TAFA4: variants seen among roughly 807,000 people sequenced by gnomAD.
The protein encoded by TAFA4 is chemokine-like protein TAFA-4.
Under a neutral mutation model 21.1 loss-of-function variants are expected in TAFA4, and 20 were observed. The ratio of observed to expected loss-of-function variants is 0.95; its 90% CI spans 0.67 to 1.38. TAFA4 has a LOEUF of 1.38. TAFA4 is among the 40% of genes most tolerant of loss of function. The pLI is 0.00. For missense variants in TAFA4, 211 were observed against 180.9 expected (o/e 1.17, Z -0.95); for synonymous variants, 71 against 67.4 (o/e 1.05, Z -0.26).
At chr3:68,858,031 G>T (rs747582961) in intron 3 of TAFA4, among the ~76,000 whole-genome samples, 19 of 152,008 alleles carry the variant, frequency 1.2e-4, no homozygotes, top group Admixed American at 6.6e-4. Flanking sequence ...AGGGAGAGTG[G>T]CCCTGCTTTT....
intron 3 of TAFA4, among the ~76,000 whole-genome samples, chr3:68,831,843 T>C (rs906676800): frequency 6.6e-6 from 1 of 152,226 alleles, no homozygotes; most frequent in Non-Finnish European, 1.5e-5. Context: ...TTTGTTTTTC[T>C]CACATAGTCC....
intron 3 of TAFA4, among the ~76,000 whole-genome samples, chr3:68,860,254 C>G (rs985416690): frequency 3.3e-5 from 5 of 152,218 alleles, no homozygotes; most frequent in Admixed American, 6.5e-5. Context: ...CCACATGGCA[C>G]CTACCTAATG....
chr3:68,747,394 C>A (rs886842306), intron 4 of TAFA4, among the ~76,000 whole-genome samples: 1 of 151,370 alleles, frequency 6.6e-6, no homozygotes, highest in Non-Finnish European at 1.5e-5. Flanking sequence ...GTTTTTTTTT[C>A]CCATGCTGTT....
At chr3:68,770,636 C>A (rs1333355372) in intron 3 of TAFA4, among the ~76,000 whole-genome samples, 1 of 152,158 alleles carries the variant, frequency 6.6e-6, no homozygotes, top group Non-Finnish European at 1.5e-5. Flanking sequence ...TCCAGATTAT[C>A]CTTCATACAT....
chr3:68,808,183 C>T lies in TAFA4; in HGVS notation c.131-55165G>A, dbSNP rs1294499565. On this transcript the variant is annotated intron_variant, in intron 3 of 5. Coordinates refer to ENST00000295569, the MANE Select transcript of TAFA4 (RefSeq NM_182522.5). ...ACTAGTCAGAGTAGAGAGGAAGGAA[C>T]ACACAGGAAAGCAGAGTCTCACAAG... Among the ~76,000 whole-genome samples, 5 of 152,008 alleles carry T rather than the reference C, an allele frequency of 3.3e-5. No individual in the cohort carries two copies. The South Asian group carries it at 6.2e-4, about 19-fold the overall frequency.
Position 68,885,246 on chromosome 3 carries a change from AT to A in TAFA4, c.-59del. ...AGGATATATTTCAGAGTGACTCCAA[AT>A]TCCCATCTGTTGCTAGAACCAATCA... On this transcript the variant is annotated 5_prime_UTR_variant, in exon 2 of 6. The change creates a premature stop within an existing upstream ORF in the 5' untranslated region. Coordinates refer to ENST00000295569, the MANE Select transcript of TAFA4 (RefSeq NM_182522.5). The A allele has an allele frequency of 6.5e-7, 1 of 1,549,982 alleles. No individual in the cohort carries two copies. Among genetic ancestry groups the A allele is most frequent in the Non-Finnish European group, 8.9e-7 (1 of 1,128,902 alleles).
chr3:68,753,334 GTTTT>G (rs4065540), intron 3 of TAFA4, among the ~76,000 whole-genome samples: 7 of 114,480 alleles, frequency 6.1e-5, no homozygotes, highest in South Asian at 3.3e-4. Context: ...GATTGATAGA[GTTTT>G]TTTTTTTTTT....
At chr3:68,909,782 T>C (rs2089941443) in intron 1 of TAFA4, among the ~76,000 whole-genome samples, 1 of 152,220 alleles carries the variant, frequency 6.6e-6, no homozygotes, top group South Asian at 2.1e-4. Context: ...CTTAGTGACT[T>C]CAAGTAATAT....
intron 3 of TAFA4, among the ~76,000 whole-genome samples, chr3:68,809,801 T>C (rs1177536209): frequency 6.6e-6 from 1 of 152,188 alleles, no homozygotes; most frequent in Non-Finnish European, 1.5e-5. Context: ...GCACCATTTA[T>C]TGAGAGATTG....
intron 3 of TAFA4, among the ~76,000 whole-genome samples, chr3:68,832,969 G>C (rs986922083): frequency 6.6e-6 from 1 of 152,246 alleles, no homozygotes; most frequent in Admixed American, 6.5e-5. Context: ...AGACTGCTGT[G>C]CTACCAGCGA....
intron 3 of TAFA4, among the ~76,000 whole-genome samples, chr3:68,790,621 A>C (rs1190544216): frequency 6.6e-6 from 1 of 152,222 alleles, no homozygotes; most frequent in Non-Finnish European, 1.5e-5. Flanking sequence ...ATTCATATGG[A>C]TATGAGAATC....
rs1702167650 is a variant in TAFA4 at position 68,732,503 on chromosome 3, T to C, written c.*639A>G. The C allele has an allele frequency of 6.6e-6, 1 of 152,516 alleles. No individual in the cohort carries two copies. The highest frequency in any genetic ancestry group is 1.5e-5 in the Non-Finnish European group (1 of 68,002). The allele number at this position is 152,516 out of a possible 1,614,324, so 9.4% of individuals were successfully genotyped here. On this transcript the variant is annotated 3_prime_UTR_variant, in exon 6 of 6. Transcript: ENST00000295569. ...GTACATTGAAGTTAAAACGCTCTCA[T>C]TTTATCTCTGCTAACTGGAAAATGG... is the stretch of plus-strand genomic sequence containing the variant.
chr3:68,736,749 T>G (rs1045525660), intron 5 of TAFA4, among the ~76,000 whole-genome samples: 5 of 152,072 alleles, frequency 3.3e-5, no homozygotes, highest in African/African-American at 1.2e-4. Flanking sequence ...ACAAATGAAT[T>G]TACTCTATGT....
chr3:68,767,598 G>A (rs2106777193), intron 3 of TAFA4, among the ~76,000 whole-genome samples: 1 of 152,052 alleles, frequency 6.6e-6, no homozygotes, highest in South Asian at 2.1e-4. Flanking sequence ...TATATAAAAA[G>A]AGAGCAGTAA....
At chr3:68,803,766 A>G (rs1703625388) in intron 3 of TAFA4, among the ~76,000 whole-genome samples, 1 of 141,978 alleles carries the variant, frequency 7.0e-6, no homozygotes, top group Non-Finnish European at 1.5e-5. Context: ...CAAGAGGCTC[A>G]GGGCCTTTAA....
At chr3:68,862,129 T>C (rs11715878) in intron 3 of TAFA4, among the ~76,000 whole-genome samples, 70,638 of 151,732 alleles carry the variant, frequency 0.47, 16,996 homozygotes, top group African/African-American at 0.54. Flanking sequence ...AATAGTTTTC[T>C]GATGATGCCA....
intron 3 of TAFA4, among the ~76,000 whole-genome samples, chr3:68,796,174 G>A (rs1234581189): frequency 6.6e-6 from 1 of 152,100 alleles, no homozygotes; most frequent in Non-Finnish European, 1.5e-5. Flanking sequence ...AAGTTCTATA[G>A]GCCCTAAATA....
At chr3:68,789,013 C>A (rs770603161) in intron 3 of TAFA4, among the ~76,000 whole-genome samples, 4 of 152,046 alleles carry the variant, frequency 2.6e-5, no homozygotes, top group Non-Finnish European at 5.9e-5. Flanking sequence ...GTGGGTGGAT[C>A]ACGAGGTCAG....
At chr3:68,785,369 C>G (rs1703232151) in intron 3 of TAFA4, among the ~76,000 whole-genome samples, 1 of 152,228 alleles carries the variant, frequency 6.6e-6, no homozygotes, top group Non-Finnish European at 1.5e-5. Context: ...GGGGGCTGCG[C>G]TCTCGTCGGG....
Sources: allele counts gnomAD v4.1 joint callset (sites outside exome capture counted in the v4.1 genomes callset), GRCh38; gene constraint gnomAD v4.1.1; transcripts MANE v1.5; gene names NCBI Gene and HGNC (gene_info 2026-07-23, HGNC 2026-07-21).